Variants in SNX4 observed in about 807,000 individuals in gnomAD.
SNX4 encodes the protein sorting nexin 4.
SNX4 carries 49 observed loss-of-function variants against 70.8 expected under a neutral mutation model. The ratio of observed to expected loss-of-function variants is 0.69; its 90% CI spans 0.55 to 0.88. The LOEUF (loss-of-function observed/expected upper bound fraction) is 0.88, where lower values mean the gene tolerates loss of function less well. SNX4 is among the 40% of genes least tolerant of loss of function. The pLI, the probability that SNX4 is intolerant of heterozygous loss-of-function variation, is 0.00. For missense variants in SNX4, 528 were observed against 544.8 expected (o/e 0.97, Z 0.31); for synonymous variants, 206 against 183.8 (o/e 1.12, Z -0.98).
At chr3:125,449,076 G>A (rs1434607337) in intron 13 of SNX4, 1 of 152,078 alleles carries the variant, frequency 6.6e-6, no homozygotes, top group African/African-American at 2.4e-5. Flanking sequence ...TCATTAAAGT[G>A]TGTCATTTAT....
At chr3:125,511,288 G>T (rs4679400) in intron 1 of SNX4, among the ~76,000 whole-genome samples, 1 of 149,764 alleles carries the variant, frequency 6.7e-6, no homozygotes, top group East Asian at 1.9e-4. Flanking sequence ...TATCTAATTT[G>T]GGGTTTAACC....
chr3:125,514,766 G>A (rs1488567820), intron 1 of SNX4, among the ~76,000 whole-genome samples: 4 of 152,112 alleles, frequency 2.6e-5, no homozygotes, highest in Non-Finnish European at 5.9e-5. Flanking sequence ...ATGGCTCACT[G>A]CAGCCTCAAC....
chr3:125,496,073 T>G (rs1934786500), intron 5 of SNX4, among the ~76,000 whole-genome samples: 1 of 152,196 alleles, frequency 6.6e-6, no homozygotes, highest in Non-Finnish European at 1.5e-5. Flanking sequence ...GAGAATCGAT[T>G]GAGCCCAGGA....
At chr3:125,494,918 T>C (rs1473769787) in intron 5 of SNX4, among the ~76,000 whole-genome samples, 1 of 152,170 alleles carries the variant, frequency 6.6e-6, no homozygotes, top group Non-Finnish European at 1.5e-5. Context: ...CACATACCAC[T>C]GCTACCTCCT....
intron 8 of SNX4, among the ~76,000 whole-genome samples, chr3:125,476,093 C>T (rs1934283638): frequency 6.6e-6 from 1 of 151,344 alleles, no homozygotes; most frequent in Non-Finnish European, 1.5e-5. Flanking sequence ...TGGTGAAATC[C>T]CATCTCTACT....
chr3:125,508,353 G>C (rs1580009430), intron 1 of SNX4, among the ~76,000 whole-genome samples: 1 of 152,134 alleles, frequency 6.6e-6, no homozygotes, highest in Non-Finnish European at 1.5e-5. Context: ...GGATCACGAG[G>C]TCAGGAGATT....
chr3:125,498,182 A>T lies in SNX4; in HGVS notation c.276T>A (p.His92Gln), dbSNP rs779915086. ...AYLIETRSVE[H>Q]TDGQSVLTDS... ...CTGTTAGGACACTCTGACCATCGGT[A>T]TGTTCAACTGACCTGAAAAGGAACA... The change falls in exon 3 of 14, where the codon CAT becomes CAA. Residue 92 changes from histidine (H) to glutamine (Q), a missense_variant. Transcript: ENST00000251775. The T allele has an allele frequency of 3.1e-6, 5 of 1,613,830 alleles. No individual in the cohort carries two copies. Among genetic ancestry groups the T allele is most frequent in the East Asian group, 2.2e-5 (1 of 44,884 alleles).
chr3:125,487,787 A>C (rs910182346), intron 6 of SNX4, among the ~76,000 whole-genome samples: 2 of 152,058 alleles, frequency 1.3e-5, no homozygotes, highest in African/African-American at 4.8e-5. Flanking sequence ...TATAGCGATA[A>C]TAAAAAGATC....
In SNX4 at chr3:125,447,643, ATTAAG is replaced by A. The variant is rs1202547945; in HGVS notation, c.*131_*135del. 3 of 591,638 alleles carry A rather than the reference ATTAAG, an allele frequency of 5.1e-6. No individual in the cohort carries two copies. The highest frequency in any genetic ancestry group is 5.9e-6 in the Non-Finnish European group (2 of 341,872). 36.6% of individuals were successfully genotyped at this position (591,638 alleles called of 1,614,324 possible). On this transcript the variant is annotated 3_prime_UTR_variant, in exon 14 of 14. Transcript: ENST00000251775. The stretch of plus-strand genomic sequence containing the variant: ...TTTGTGCTACATTAACACGACCACA[ATTAAG>A]TTAAAGAAAGCTGAATTTATTTAAC...
intron 12 of SNX4, among the ~76,000 whole-genome samples, chr3:125,453,323 G>C (rs549009887): frequency 3.4e-4 from 51 of 152,096 alleles, no homozygotes; most frequent in Non-Finnish European, 6.8e-4. Context: ...CACTTCAGCT[G>C]GGTACTGAAG....
At chr3:125,497,583 T>C (rs1453291312) in intron 4 of SNX4, among the ~76,000 whole-genome samples, 195 bp from the exon 5 acceptor site, 1 of 152,186 alleles carries the variant, frequency 6.6e-6, no homozygotes, top group Non-Finnish European at 1.5e-5. Flanking sequence ...CAAGATTTTA[T>C]AGATCTGGGC....
At chr3:125,486,068 T>C (rs1260225966) in intron 6 of SNX4, among the ~76,000 whole-genome samples, 2 of 152,150 alleles carry the variant, frequency 1.3e-5, no homozygotes, top group Non-Finnish European at 2.9e-5. Context: ...CTCGAGCTCC[T>C]GACCTCGTGA....
At chr3:125,478,957 T>C (rs900684351) in intron 7 of SNX4, among the ~76,000 whole-genome samples, 10 of 152,236 alleles carry the variant, frequency 6.6e-5, no homozygotes, top group African/African-American at 2.4e-4. Context: ...GTAACTTTTA[T>C]GAGAAGGTAT....
At chr3:125,485,933 C>T (rs770730169) in intron 6 of SNX4, among the ~76,000 whole-genome samples, 2 of 152,062 alleles carry the variant, frequency 1.3e-5, no homozygotes, top group African/African-American at 4.8e-5. Context: ...CTCCGCCTCC[C>T]GGGTTCAAGC....
At chr3:125,490,456 G>A (rs1225304544) in intron 5 of SNX4, among the ~76,000 whole-genome samples, 5 of 148,948 alleles carry the variant, frequency 3.4e-5, no homozygotes, top group African/African-American at 5.0e-5. Flanking sequence ...CCCGGGAGGC[G>A]GAGCTTGCAG....
At chr3:125,502,939 T>G (rs1337523120) in intron 2 of SNX4, among the ~76,000 whole-genome samples, 1 of 151,730 alleles carries the variant, frequency 6.6e-6, no homozygotes, top group Non-Finnish European at 1.5e-5. Context: ...TTTCTTTTTT[T>G]GAGACAGCCT....
chr3:125,452,784 A>G (rs1579970205), intron 12 of SNX4, among the ~76,000 whole-genome samples: 2 of 151,836 alleles, frequency 1.3e-5, no homozygotes, highest in Admixed American at 1.3e-4. Flanking sequence ...CGCTCGGCTA[A>G]TTTTTTTGGT....
intron 1 of SNX4, among the ~76,000 whole-genome samples, chr3:125,508,338 C>T (rs147577896): frequency 0.014 from 2,153 of 152,176 alleles, 41 homozygotes; most frequent in African/African-American, 0.047. Context: ...GAGGCTGGGG[C>T]GGGCGGATCA....
intron 1 of SNX4, among the ~76,000 whole-genome samples, chr3:125,506,817 T>TAAAAAAAAAAAAAAAAAAAAAAAAA (rs71148182): frequency 3.7e-5 from 1 of 26,820 alleles, no homozygotes; most frequent in African/African-American, 9.7e-5. Context: ...GTGGAGAAAG[T>TAAAAAAAAAAAAAAAAAAAAAAAAA]AAAAAAAAAA....
Sources: allele counts gnomAD v4.1 joint callset (sites outside exome capture counted in the v4.1 genomes callset), GRCh38; gene constraint gnomAD v4.1.1; transcripts MANE v1.5; gene names NCBI Gene and HGNC (gene_info 2026-07-23, HGNC 2026-07-21).